Variants in PIWIL2 observed in about 807,000 individuals in gnomAD.
The protein encoded by PIWIL2 is piwi like RNA-mediated gene silencing 2, also known as piwi-like protein 2.
PIWIL2 carries 81 observed loss-of-function variants against 116.5 expected under a neutral mutation model. The observed-to-expected ratio is 0.70, with a 90% CI of 0.58 to 0.84. The LOEUF (loss-of-function observed/expected upper bound fraction) is 0.84. Among genes scored for constraint, PIWIL2 ranks in the 40% least tolerant of loss-of-function variants. The pLI is 0.00. For missense variants in PIWIL2, 1,272 were observed against 1,212.3 expected (o/e 1.05, Z -0.73); for synonymous variants, 489 against 429.5 (o/e 1.14, Z -1.71).
chr8:22,289,697 C>T (rs537650818), intron 8 of PIWIL2, 150 bp from the exon 9 acceptor site: 16 of 559,912 alleles, frequency 2.9e-5, no homozygotes, highest in Non-Finnish European at 5.1e-5. Context: ...TTTCTTTTAA[C>T]AAGATTGTTC....
chr8:22,345,842 CAT>C (rs1453815989), intron 20 of PIWIL2, among the ~76,000 whole-genome samples: 1 of 152,006 alleles, frequency 6.6e-6, no homozygotes, highest in Non-Finnish European at 1.5e-5. Context: ...TTTATTTAAA[CAT>C]AAAAAAGTTT....
intron 20 of PIWIL2, among the ~76,000 whole-genome samples, chr8:22,331,762 C>T (rs1299100654): frequency 6.6e-6 from 1 of 152,046 alleles, no homozygotes; most frequent in Non-Finnish European, 1.5e-5. Flanking sequence ...TTTTGGGGGC[C>T]TTGGTCTTCC....
At chr8:22,339,705 G>A (rs1341880055) in intron 20 of PIWIL2, among the ~76,000 whole-genome samples, 1 of 152,156 alleles carries the variant, frequency 6.6e-6, no homozygotes, top group Non-Finnish European at 1.5e-5. Context: ...GCATAGAATG[G>A]GAGAAGTCAT....
chr8:22,316,017 T>A (rs1043090968), intron 18 of PIWIL2, among the ~76,000 whole-genome samples: 13 of 152,202 alleles, frequency 8.5e-5, no homozygotes, highest in African/African-American at 3.1e-4. Context: ...TCACAAAGCC[T>A]AAGTTATTTA....
chr8:22,336,143 A>T (rs191508936), intron 20 of PIWIL2, among the ~76,000 whole-genome samples: 2 of 152,222 alleles, frequency 1.3e-5, no homozygotes, highest in African/African-American at 4.8e-5. Flanking sequence ...CTGTAGTCTG[A>T]CTATACCTAA....
At chr8:22,340,336 C>T (rs1427995416) in intron 20 of PIWIL2, among the ~76,000 whole-genome samples, 7 of 152,096 alleles carry the variant, frequency 4.6e-5, no homozygotes, top group Admixed American at 3.3e-4. Flanking sequence ...GAATTACAGG[C>T]GTGAGCCACC....
intron 6 of PIWIL2, among the ~76,000 whole-genome samples, chr8:22,285,419 C>T (rs974736494): frequency 6.6e-6 from 1 of 152,140 alleles, no homozygotes; most frequent in Non-Finnish European, 1.5e-5. Flanking sequence ...TTTTTAAAGG[C>T]TATATAGTAT....
At chr8:22,303,995 CA>C (rs755957553) in intron 10 of PIWIL2, 25 bp from the exon 11 acceptor site, 3 of 1,547,438 alleles carry the variant, frequency 1.9e-6, no homozygotes, top group South Asian at 1.2e-5. Context: ...TACTGTGATC[CA>C]AAAGTCTTTT....
At chr8:22,317,443 A>T (rs1372780485) in intron 19 of PIWIL2, among the ~76,000 whole-genome samples, 2 of 152,160 alleles carry the variant, frequency 1.3e-5, no homozygotes, top group East Asian at 3.9e-4. Flanking sequence ...TGCTAGGCAT[A>T]CTATTCCTTA....
At chr8:22,284,781 C>T (rs919327478) in intron 6 of PIWIL2, among the ~76,000 whole-genome samples, 1 of 151,894 alleles carries the variant, frequency 6.6e-6, no homozygotes, top group East Asian at 1.9e-4. Flanking sequence ...AGGAAGATAA[C>T]TGCAGTTTTA....
chr8:22,310,815 A>G, intron 15 of PIWIL2, among the ~76,000 whole-genome samples: 1 of 152,218 alleles, frequency 6.6e-6, no homozygotes. Flanking sequence ...ATATACATGG[A>G]ATCATAGATT....
At chr8:22,314,974 T>G in intron 17 of PIWIL2, 55 bp from the exon 18 acceptor site, 1 of 894,908 alleles carries the variant, frequency 1.1e-6, no homozygotes, top group Non-Finnish European at 1.9e-6. Flanking sequence ...TCAGATTTTC[T>G]GAGAGGTTGA....
chr8:22,355,111 A>C (rs200589744), intron 22 of PIWIL2, among the ~76,000 whole-genome samples: 1 of 151,948 alleles, frequency 6.6e-6, no homozygotes, highest in Non-Finnish European at 1.5e-5. Flanking sequence ...CAAAAAAAAA[A>C]CAGGGAAATG....
intron 20 of PIWIL2, among the ~76,000 whole-genome samples, chr8:22,326,551 C>G (rs571265219): frequency 6.6e-6 from 1 of 152,272 alleles, no homozygotes; most frequent in East Asian, 1.9e-4. Context: ...CTTTTTGTCT[C>G]TACTGATTTG....
At chr8:22,294,148 G>A (rs137996697) in intron 10 of PIWIL2, among the ~76,000 whole-genome samples, 1 of 151,558 alleles carries the variant, frequency 6.6e-6, no homozygotes, top group Non-Finnish European at 1.5e-5. Flanking sequence ...GACCAGCCTG[G>A]CCAACATGGT....
At chr8:22,337,166 C>T (rs1282673090) in intron 20 of PIWIL2, among the ~76,000 whole-genome samples, 2 of 151,934 alleles carry the variant, frequency 1.3e-5, no homozygotes, top group East Asian at 1.9e-4. Context: ...GATACCAAAG[C>T]CAAACAAAGC....
intron 20 of PIWIL2, among the ~76,000 whole-genome samples, chr8:22,339,939 A>G (rs1317878133): frequency 2.0e-5 from 3 of 152,184 alleles, no homozygotes; most frequent in Non-Finnish European, 4.4e-5. Context: ...AAAACCAGAT[A>G]AAGACATTGC....
At chr8:22,299,389 G>C (rs1830990625) in intron 10 of PIWIL2, among the ~76,000 whole-genome samples, 1 of 151,878 alleles carries the variant, frequency 6.6e-6, no homozygotes, top group Non-Finnish European at 1.5e-5. Flanking sequence ...TGTATTTTTA[G>C]TAGAGACAGG....
chr8:22,286,725 G>A (rs1830637280), intron 6 of PIWIL2, among the ~76,000 whole-genome samples: 3 of 152,134 alleles, frequency 2.0e-5, no homozygotes, highest in Admixed American at 1.3e-4. Flanking sequence ...AGGCTGAAAT[G>A]ATTCTCATGC....
Sources: gnomAD v4.1 joint callset for allele counts (sites outside exome capture counted in the v4.1 genomes callset) on GRCh38, gnomAD v4.1.1 for gene constraint, MANE v1.5 for transcripts, NCBI Gene and HGNC (gene_info 2026-07-23, HGNC 2026-07-21) for gene names.